LRP1B: variants seen among roughly 807,000 people sequenced by gnomAD.
LRP1B encodes LDL receptor related protein 1B, also known as low-density lipoprotein receptor-related protein 1B.
A neutral mutation model predicts 556.6 loss-of-function variants in LRP1B; 217 were observed. The ratio of observed to expected loss-of-function variants is 0.39; its 90% CI spans 0.35 to 0.44. LRP1B has a LOEUF of 0.44. LRP1B is among the 20% of genes least tolerant of loss of function. The pLI is 1.00. For synonymous variants in LRP1B, 2,047 were observed against 1,865.8 expected, an observed-to-expected ratio of 1.10 and a Z score of -2.50; for missense variants, 5,053 against 5,620.8, an observed-to-expected ratio of 0.90 and a Z score of 3.23.
chr2:140,585,209 AG>A (rs555438795), intron 43 of LRP1B, among the ~76,000 whole-genome samples: 118 of 152,162 alleles, frequency 7.8e-4, no homozygotes, highest in Non-Finnish European at 1.3e-3. Flanking sequence ...TCATAATTCA[AG>A]GGGGGATTTA....
rs1205421683 is a variant in LRP1B at position 141,431,133 on chromosome 2, C to CA, written c.343+49262dup. ...CCTGAGCAAGAGAGTGACTCTGTCT[C>CA]AAAAAATCAAAATAAATAAATAAAT... On this transcript the variant is annotated intron_variant, in intron 3 of 90. Transcript: ENST00000389484. Among the ~76,000 whole-genome samples, 3 of 72,574 alleles carry CA rather than the reference C, an allele frequency of 4.1e-5. No individual in the cohort carries two copies. In the Admixed American group the frequency reaches 4.5e-4, roughly 11 times the overall value. 47.6% of individuals were successfully genotyped at this position (72,574 alleles called of 152,430 possible).
chr2:140,417,513 C>T (rs575191616), intron 66 of LRP1B, among the ~76,000 whole-genome samples: 35 of 152,270 alleles, frequency 2.3e-4, no homozygotes, highest in Non-Finnish European at 1.0e-4. Flanking sequence ...TGTTTTTGTG[C>T]AATACATTTT....
rs1682875690 is a variant in LRP1B, at chr2:141,480,441, C to T, written c.298G>A (p.Val100Ile). ...TCATACCCATCTGGGCAGTCCAAGA[C>T]ACCATTGCACAGCTGGGATAAATGA... The part of the protein sequence containing the change: ...CVHLSQLCNG[V>I]LDCPDGYDEG... Residue 100 changes from valine to isoleucine, a missense_variant, in exon 3 of 91, where the codon GTC becomes ATC. By Grantham distance (29) the Val-to-Ile change is conservative. Coordinates refer to ENST00000389484, the MANE Select transcript of LRP1B (RefSeq NM_018557.3). 1.2e-6 allele frequency: 2 copies of T among 1,613,840 alleles called. No individual in the cohort carries two copies. The highest frequency in any genetic ancestry group is 1.3e-5 in the African/African-American group (1 of 74,892).
chr2:141,228,519 TG>T (rs1683337978), intron 6 of LRP1B, among the ~76,000 whole-genome samples: 1 of 151,238 alleles, frequency 6.6e-6, no homozygotes, highest in South Asian at 2.1e-4. Context: ...TACTCCCATG[TG>T]GAAGCAGGGA....
At chr2:142,119,969 T>C (rs1384010152) in intron 1 of LRP1B, among the ~76,000 whole-genome samples, 2 of 152,184 alleles carry the variant, frequency 1.3e-5, no homozygotes, top group African/African-American at 4.8e-5. Flanking sequence ...GGCACTACAA[T>C]GTTTATTCAA....
chr2:140,465,735 G>GA (rs543171568), intron 60 of LRP1B, among the ~76,000 whole-genome samples: 1 of 143,434 alleles, frequency 7.0e-6, no homozygotes, highest in African/African-American at 2.6e-5. Context: ...AAAAAAAAAA[G>GA]AAAAAAACTC....
rs115047906 is a variant in LRP1B, at chr2:140,991,336, A to T, written c.2645-1679T>A. On this transcript the variant is annotated intron_variant, in intron 16 of 90. Coordinates refer to ENST00000389484, the MANE Select transcript of LRP1B (RefSeq NM_018557.3). ...AAGGAATAGAAAGTAGAATAACAAAATTCAAGGTTGCAGATTATGGGTGTT... is the reference window on the plus strand; with the variant it reads ...AAGGAATAGAAAGTAGAATAACAAATTTCAAGGTTGCAGATTATGGGTGTT... Among the ~76,000 whole-genome samples, 668 of 152,294 alleles carry T rather than the reference A, an allele frequency of 4.4e-3. 5 individuals carry two copies. The highest frequency in any genetic ancestry group is 0.015 in the African/African-American group (642 of 41,578).
At chr2:140,289,509 A>C (rs1258374518) in intron 84 of LRP1B, among the ~76,000 whole-genome samples, 2 of 152,028 alleles carry the variant, frequency 1.3e-5, no homozygotes, top group Non-Finnish European at 2.9e-5. Context: ...CATATGAATT[A>C]ATATCTGCTT....
intron 15 of LRP1B, among the ~76,000 whole-genome samples, chr2:140,998,048 A>G (rs1697305188): frequency 6.6e-6 from 1 of 152,014 alleles, no homozygotes; most frequent in Non-Finnish European, 1.5e-5. Flanking sequence ...TAGATTGCAT[A>G]TATCCTAGAA....
At chr2:140,499,893 G>T (rs1042485178) in intron 55 of LRP1B, among the ~76,000 whole-genome samples, 2 of 151,792 alleles carry the variant, frequency 1.3e-5, no homozygotes, top group Admixed American at 6.6e-5. Flanking sequence ...ATTTGTAATG[G>T]TATGACTTAA....
chr2:142,000,222 G>A (rs942971553), intron 1 of LRP1B, among the ~76,000 whole-genome samples: 4 of 152,226 alleles, frequency 2.6e-5, no homozygotes, highest in South Asian at 2.1e-4. Flanking sequence ...TCATGGCAGC[G>A]TTGATGCCAA....
rs74381027 is a variant in LRP1B at position 140,466,124 on chromosome 2, C to CTT, written c.9626-8475_9626-8474dup. Among the ~76,000 whole-genome samples, 869 of 125,668 alleles carry CTT rather than the reference C, an allele frequency of 6.9e-3. 8 individuals are homozygous for CTT. The highest frequency in any genetic ancestry group is 0.019 in the African/African-American group (661 of 34,150). 82.4% of individuals were successfully genotyped at this position (125,668 alleles called of 152,430 possible). On this transcript the variant is annotated intron_variant, in intron 60 of 90. Transcript: ENST00000389484. ...ATTTCAATTTCCTCTTTTCTTTTTT[C>CTT]TTTTTTTTTTTTTTTTGGTGGGCTA...
chr2:141,151,650 A>G (rs148505976), intron 7 of LRP1B, among the ~76,000 whole-genome samples: 2 of 152,290 alleles, frequency 1.3e-5, no homozygotes, highest in African/African-American at 4.8e-5. Context: ...CTCAATAACA[A>G]CAAATTATAA....
rs184863932 is a variant in LRP1B at position 140,594,168 on chromosome 2, C to T, written c.7194+4463G>A. ...TATTTTTAGTAGAAATGGGGTTTCA[C>T]CATCTTGGTCAGGCTGGTCTCGAAC... On this transcript the variant is annotated intron_variant, in intron 43 of 90. Coordinates refer to ENST00000389484, the MANE Select transcript of LRP1B (RefSeq NM_018557.3). 1.8e-3 allele frequency among the ~76,000 whole-genome samples: 280 copies of T among 152,160 alleles called. 1 individual carries two copies. Among genetic ancestry groups the T allele is most frequent in the African/African-American group, 6.3e-3 (260 of 41,516 alleles).
intron 35 of LRP1B, among the ~76,000 whole-genome samples, chr2:140,717,905 A>T (rs1687267339): frequency 6.6e-6 from 1 of 152,118 alleles, no homozygotes; most frequent in Non-Finnish European, 1.5e-5. Flanking sequence ...TAAGTCAGAC[A>T]CACAATTGTT....
At chr2:140,303,663 A>C (rs932614776) in intron 83 of LRP1B, among the ~76,000 whole-genome samples, 4 of 152,090 alleles carry the variant, frequency 2.6e-5, no homozygotes, top group African/African-American at 2.4e-5. Flanking sequence ...TTTAATAAAA[A>C]ATCTTTTTAT....
At chr2:140,867,183 T>C (rs1419011873) in intron 27 of LRP1B, among the ~76,000 whole-genome samples, 1 of 151,856 alleles carries the variant, frequency 6.6e-6, no homozygotes, top group Non-Finnish European at 1.5e-5. Flanking sequence ...AAAGGTGAAA[T>C]ACGGAATACA....
intron 7 of LRP1B, among the ~76,000 whole-genome samples, chr2:141,165,017 C>T (rs1377200554): frequency 6.6e-6 from 1 of 151,912 alleles, no homozygotes; most frequent in African/African-American, 2.4e-5. Flanking sequence ...CTTAAGAATC[C>T]AGCTTCTCAA....
chr2:141,288,242 A>C (rs1436391162), intron 3 of LRP1B, among the ~76,000 whole-genome samples: 1 of 151,452 alleles, frequency 6.6e-6, no homozygotes, highest in Non-Finnish European at 1.5e-5. Flanking sequence ...TAATAACAAA[A>C]AAAAAAATTT....
Sources: allele counts gnomAD v4.1 joint callset (sites outside exome capture counted in the v4.1 genomes callset), GRCh38; gene constraint gnomAD v4.1.1; transcripts MANE v1.5; gene names NCBI Gene and HGNC (gene_info 2026-07-23, HGNC 2026-07-21).